The following SHC4 variants were observed in gnomAD, a reference collection of about 807,000 sequenced individuals.
The protein encoded by SHC4 is SHC-transforming protein 4.
SHC4 carries 41 observed loss-of-function variants against 69.4 expected under a neutral mutation model. That is an observed-to-expected ratio of 0.59 (90% CI 0.46 to 0.77). The LOEUF is 0.77. Among genes scored for constraint, SHC4 ranks in the 30% least tolerant of loss-of-function variants. The pLI is 0.00. For missense variants in SHC4, 777 were observed against 783.8 expected, an observed-to-expected ratio of 0.99 and a Z score of 0.10; for synonymous variants, 318 against 299.3, an observed-to-expected ratio of 1.06 and a Z score of -0.64.
At chr15:48,948,941 A>G (rs1212205130) in intron 1 of SHC4, among the ~76,000 whole-genome samples, 1 of 152,060 alleles carries the variant, frequency 6.6e-6, no homozygotes, top group East Asian at 1.9e-4. Flanking sequence ...TCTCATCTAG[A>G]TGACTCTGCC....
chr15:48,920,004 TCACGGAG>T lies in SHC4; in HGVS notation c.656+4868_656+4874del, dbSNP rs763763436. On this transcript the variant is annotated intron_variant, in intron 2 of 11. Coordinates refer to ENST00000332408, the MANE Select transcript of SHC4 (RefSeq NM_203349.4). ...AATAGGGAAATATAGGCCTACAAGTTCACGGAGTTTGTTTTTTTTTTTTTTTCTGAGA... is the reference window on the plus strand; with the variant it reads ...AATAGGGAAATATAGGCCTACAAGTTTTTGTTTTTTTTTTTTTTTCTGAGA... 2.8e-3 allele frequency among the ~76,000 whole-genome samples: 420 copies of T among 150,496 alleles called. 4 individuals carry two copies. Among genetic ancestry groups the T allele is most frequent in the Non-Finnish European group, 4.9e-3 (333 of 67,664 alleles).
At chr15:48,857,924 G>A (rs370593321) in intron 6 of SHC4, 109 bp from the exon 7 acceptor site, 1 of 825,932 alleles carries the variant, frequency 1.2e-6, no homozygotes, top group Non-Finnish European at 1.7e-6. Context: ...ATAAAAGGGA[G>A]CAGGATTACA....
In SHC4 at chr15:48,872,200, A is replaced by T; in HGVS notation, c.841-58T>A. 5.7e-6 allele frequency: 6 copies of T among 1,043,638 alleles called. No homozygotes were observed. In the East Asian group the frequency reaches 1.6e-4, roughly 29 times the overall value. 64.6% of individuals were successfully genotyped at this position (1,043,638 alleles called of 1,614,324 possible). On this transcript the variant is annotated intron_variant, in intron 4 of 11. Coordinates refer to ENST00000332408, the MANE Select transcript of SHC4 (RefSeq NM_203349.4). ...TTAATTGTTATTTCTAGTTATATACAGTCTAACAGTAATAGACATACATTT... is the reference window on the plus strand; with the variant it reads ...TTAATTGTTATTTCTAGTTATATACTGTCTAACAGTAATAGACATACATTT...
In SHC4 at chr15:48,834,845, G is replaced by T. The variant is rs749736090; in HGVS notation, c.1661C>A (p.Ser554Tyr). The T allele has an allele frequency of 1.1e-5, 18 of 1,614,172 alleles. No individual in the cohort carries two copies. Among genetic ancestry groups the T allele is most frequent in the Non-Finnish European group, 1.4e-5 (16 of 1,180,042 alleles). The change falls in exon 11 of 12, where the codon TCC becomes TAC. Residue 554 changes from serine (S) to tyrosine (Y), a missense_variant. By Grantham distance (144) the Ser-to-Tyr change is moderately radical (BLOSUM62 -2). Coordinates refer to ENST00000332408, the MANE Select transcript of SHC4 (RefSeq NM_203349.4). ...TCCACTCAGCACATATTGGCCAGGG[G>T]ATGTTGCACTCTCTCGAACCAAAAA... ...GDFLVRESAT[S>Y]PGQYVLSGLQ...
chr15:48,918,576 TA>T (rs1900676256), intron 2 of SHC4, among the ~76,000 whole-genome samples: 1 of 119,818 alleles, frequency 8.3e-6, no homozygotes, highest in Non-Finnish European at 2.1e-5. Flanking sequence ...ATTTTTTCTT[TA>T]AATTTTTTTA....
rs1199181678 is a variant in SHC4 at position 48,836,052 on chromosome 15, G to A, written c.1484-1030C>T. Among the ~76,000 whole-genome samples, 8 of 146,224 alleles carry A rather than the reference G, an allele frequency of 5.5e-5. No homozygotes were observed. The East Asian group carries it at 1.6e-3, about 29-fold the overall frequency. ...AAAAAAAAAAAAAAAAAAAAGCCAG[G>A]CATAGTGGCACGTGCCTGCAGTCCC... On this transcript the variant is annotated intron_variant, in intron 10 of 11. Transcript: ENST00000332408.
chr15:48,838,548 A>G (rs1232542643), intron 10 of SHC4, among the ~76,000 whole-genome samples: 3 of 152,242 alleles, frequency 2.0e-5, no homozygotes, highest in African/African-American at 7.2e-5. Context: ...TTAACATGAA[A>G]TGTTAAGCAT....
chr15:48,955,476 A>C (rs1386857200), intron 1 of SHC4, among the ~76,000 whole-genome samples: 1 of 152,114 alleles, frequency 6.6e-6, no homozygotes, highest in Non-Finnish European at 1.5e-5. Flanking sequence ...AAATGAGAGG[A>C]AACCATATTG....
chr15:48,853,004 G>T (rs918710129), intron 8 of SHC4, among the ~76,000 whole-genome samples: 1 of 151,258 alleles, frequency 6.6e-6, no homozygotes, highest in Non-Finnish European at 1.5e-5. Context: ...TCAGGCAAGA[G>T]AAAGAGATTA....
intron 9 of SHC4, among the ~76,000 whole-genome samples, chr15:48,847,014 G>C (rs1899106628): frequency 6.7e-6 from 1 of 148,580 alleles, no homozygotes. Flanking sequence ...AAAGGAAACT[G>C]CCATCCCCTT....
intron 2 of SHC4, among the ~76,000 whole-genome samples, chr15:48,894,555 T>C (rs766090619): frequency 6.6e-6 from 1 of 152,184 alleles, no homozygotes; most frequent in Admixed American, 6.5e-5. Context: ...TTTATTTCTC[T>C]CTCTGCTCCC....
rs372211139 is a variant in SHC4 at position 48,867,798 on chromosome 15, C to A, written c.946+20G>T. Reference sequence around the variant, plus strand: ...GGTATATACCAGCTCTTTAAAAAATCTGTAAGTTGCTTTCCATACCTCGTT... The same window carrying A: ...GGTATATACCAGCTCTTTAAAAAATATGTAAGTTGCTTTCCATACCTCGTT... On this transcript the variant is annotated intron_variant, in intron 6 of 11. Coordinates refer to ENST00000332408, the MANE Select transcript of SHC4 (RefSeq NM_203349.4). 42 of 1,611,304 alleles carry A rather than the reference C, an allele frequency of 2.6e-5. No individual in the cohort carries two copies. The highest frequency in any genetic ancestry group is 3.1e-5 in the Non-Finnish European group (37 of 1,177,928).
At chr15:48,943,734 C>T (rs1333443650) in intron 1 of SHC4, among the ~76,000 whole-genome samples, 1 of 152,042 alleles carries the variant, frequency 6.6e-6, no homozygotes, top group Admixed American at 6.6e-5. Flanking sequence ...CACAAAAGTT[C>T]CCTGTTCTCC....
intron 2 of SHC4, among the ~76,000 whole-genome samples, chr15:48,909,885 C>T (rs958154251): frequency 6.6e-6 from 1 of 151,934 alleles, no homozygotes; most frequent in Admixed American, 6.6e-5. Flanking sequence ...TAAACTATCC[C>T]GCATCCCTGG....
chr15:48,887,166 TA>T lies in SHC4; in HGVS notation c.721-2800del, dbSNP rs543251495. Among the ~76,000 whole-genome samples, 889 of 152,322 alleles carry T rather than the reference TA, an allele frequency of 5.8e-3. 12 individuals carry two copies. The highest frequency in any genetic ancestry group is 0.02 in the African/African-American group (848 of 41,566). On this transcript the variant is annotated intron_variant, in intron 3 of 11. Transcript: ENST00000332408. ...TTTTTCCATTAGCACTCCAAACTGC[TA>T]ATGATGCAGTATCTAACAGATCTAA...
chr15:48,862,123 T>C (rs1899457103), intron 6 of SHC4, among the ~76,000 whole-genome samples: 2 of 151,942 alleles, frequency 1.3e-5, no homozygotes, highest in Admixed American at 1.3e-4. Context: ...AGGACAGTCG[T>C]AGGCATACTT....
chr15:48,962,825 G>A lies in SHC4; in HGVS notation c.191C>T (p.Ala64Val), dbSNP rs1184848828. ...GGCATCTTCAGTCGGCAGGTGAGGT[G>A]CCAGGGCGGGGTGGGGAGGCTGCGG... ...GSPQPPHPAL[A>V]PHLPTEDATL... is the part of the protein sequence containing the mutation. Residue 64 changes from alanine (A) to valine (V), a missense_variant, in exon 1 of 12, where the codon GCA becomes GTA. Transcript: ENST00000332408. The A allele has an allele frequency of 5.6e-6, 9 of 1,612,420 alleles. No homozygotes were observed. The highest frequency in any genetic ancestry group is 7.6e-6 in the Non-Finnish European group (9 of 1,179,826).
intron 1 of SHC4, among the ~76,000 whole-genome samples, chr15:48,957,815 C>T (rs1901479693): frequency 6.6e-6 from 1 of 152,096 alleles, no homozygotes; most frequent in Admixed American, 6.5e-5. Context: ...TGAGAGTGAG[C>T]CCTAATCCAA....
intron 10 of SHC4, 109 bp downstream of exon 10, chr15:48,843,298 CTT>C (rs1353727935): frequency 3.6e-6 from 4 of 1,098,638 alleles, no homozygotes; most frequent in Non-Finnish European, 5.3e-6. Flanking sequence ...CCTGCTGACA[CTT>C]TGATTTTGGA....
Sources: allele counts gnomAD v4.1 joint callset (sites outside exome capture counted in the v4.1 genomes callset), GRCh38; gene constraint gnomAD v4.1.1; transcripts MANE v1.5; gene names NCBI Gene and HGNC (gene_info 2026-07-23, HGNC 2026-07-21).